DYNLT5: variants seen among roughly 807,000 people sequenced by gnomAD.
DYNLT5 encodes the protein dynein light chain Tctex-type family member 5.
A neutral mutation model predicts 19.3 loss-of-function variants in DYNLT5; 25 were observed. That is an observed-to-expected ratio of 1.30 (90% CI 0.95 to 1.81). DYNLT5 has a LOEUF of 1.81. DYNLT5 is among the 40% of genes most tolerant of loss of function. The pLI is 0.00. For synonymous variants in DYNLT5, 82 were observed against 68.9 expected (o/e 1.19, Z -0.94); for missense variants, 232 against 217.9 (o/e 1.06, Z -0.41).
In DYNLT5 at chr1:66,777,598, T is replaced by C; in HGVS notation, c.*144T>C. On this transcript the variant is annotated 3_prime_UTR_variant, in exon 5 of 5. Transcript: ENST00000282670. ...CTGGAAGCTTTTGAATTTTTTCATA[T>C]TCTAGTAAAGATTTGGGGAGGGGAG... 2 of 658,124 alleles carry C rather than the reference T, an allele frequency of 3.0e-6. No individual in the cohort carries two copies. The highest frequency in any genetic ancestry group is 4.9e-6 in the Non-Finnish European group (2 of 411,974). 40.8% of individuals were successfully genotyped at this position (658,124 alleles called of 1,614,324 possible).
At chr1:66,777,197 C>A in intron 4 of DYNLT5, 54 bp from the exon 5 acceptor site, 1 of 1,446,156 alleles carries the variant, frequency 6.9e-7, no homozygotes, top group South Asian at 1.2e-5. Flanking sequence ...AAGGTTAATG[C>A]TTTTGAGTTT....
chr1:66,767,513 C>G (rs944533826), intron 2 of DYNLT5, among the ~76,000 whole-genome samples: 6 of 152,178 alleles, frequency 3.9e-5, no homozygotes, highest in African/African-American at 1.4e-4. Flanking sequence ...CCACTTCGGC[C>G]TCCCAAAGTG....
rs1398520001 is a variant in DYNLT5, at chr1:66,778,494, ATGT to A, written c.*1044_*1046del. On this transcript the variant is annotated 3_prime_UTR_variant, in exon 5 of 5. Coordinates refer to ENST00000282670, the MANE Select transcript of DYNLT5 (RefSeq NM_152665.3). ...CAAGTCTTTGTGTGCAAGTAAAATG[ATGT>A]TGTGGCGTTGTTCTTGGATGGTAAG... 6.6e-6 allele frequency: 1 copy of A among 152,652 alleles called. No homozygotes were observed. Among genetic ancestry groups the A allele is most frequent in the Non-Finnish European group, 1.5e-5 (1 of 68,040 alleles). 9.5% of individuals were successfully genotyped at this position (152,652 alleles called of 1,614,324 possible).
chr1:66,777,268 C>G lies in DYNLT5; in HGVS notation c.354C>G (p.Val118=). The change falls in exon 5 of 5, where the codon GTC becomes GTG. Residue 118 remains valine, a synonymous_variant. Coordinates refer to ENST00000282670, the MANE Select transcript of DYNLT5 (RefSeq NM_152665.3). Reference sequence around the variant, plus strand: ...ATTTCTAGGTTATTAAAGCCCAGGTCAAGGACTTGATGATTCCACGGTATA... The same window carrying G: ...ATTTCTAGGTTATTAAAGCCCAGGTGAAGGACTTGATGATTCCACGGTATA... The part of the protein sequence containing the change: ...KTISEVIKAQ[V]KDLMIPRYKL... 6.2e-7 allele frequency: 1 copy of G among 1,611,228 alleles called. No individual in the cohort carries two copies.
chr1:66,770,492 T>C lies in DYNLT5; in HGVS notation c.211+14T>C, dbSNP rs1475935831. 4 of 1,579,396 alleles carry C rather than the reference T, an allele frequency of 2.5e-6. No individual in the cohort carries two copies. Among genetic ancestry groups the C allele is most frequent in the Non-Finnish European group, 3.5e-6 (4 of 1,148,726 alleles). ...CCTATCAGTTGGGTGTGTTCTTTTA[T>C]CTCTCACTCCTATTTTAAACTTCTA... On this transcript the variant is annotated intron_variant, in intron 3 of 4. Coordinates refer to ENST00000282670, the MANE Select transcript of DYNLT5 (RefSeq NM_152665.3).
Position 66,754,666 on chromosome 1 carries a change from T to G in DYNLT5, c.8T>G (p.Met3Arg), listed in dbSNP as rs1373085571. ...AGTCTTCTTCCATAGGTTATGATGATGTCAGACAATGCTAAAGGCAGAGCA... is the reference window on the plus strand; with the variant it reads ...AGTCTTCTTCCATAGGTTATGATGAGGTCAGACAATGCTAAAGGCAGAGCA... MM[M>R]SDNAKGRAAH... Residue 3 changes from methionine (M) to arginine (R), a missense_variant, in exon 2 of 5, where the codon ATG (methionine) becomes AGG (arginine). Met to Arg is a moderately conservative substitution (Grantham distance 91). Transcript: ENST00000282670. The G allele has an allele frequency of 3.7e-6, 6 of 1,608,970 alleles. No homozygotes were observed. The highest frequency in any genetic ancestry group is 5.1e-6 in the Non-Finnish European group (6 of 1,178,524).
intron 1 of DYNLT5, among the ~76,000 whole-genome samples, chr1:66,752,870 G>A (rs570734113): frequency 7.9e-5 from 12 of 152,318 alleles, no homozygotes; most frequent in African/African-American, 2.9e-4. Flanking sequence ...CGGTCTTCCT[G>A]TGGCTGGCCG....
At position 66,776,402 on chromosome 1, in the gene DYNLT5, A is replaced by C; in HGVS notation, c.335A>C (p.Glu112Ala). 1 of 1,600,922 alleles carries C rather than the reference A, an allele frequency of 6.2e-7. No homozygotes were observed. Among genetic ancestry groups the C allele is most frequent in the Non-Finnish European group, 8.5e-7 (1 of 1,172,248 alleles). Residue 112 changes from glutamate (E) to alanine (A), a missense_variant and splice_region_variant, in exon 4 of 5, where the codon GAG (glutamate) becomes GCG (alanine). By Grantham distance (107) the Glu-to-Ala change is moderately radical (BLOSUM62 -1). Transcript: ENST00000282670. The stretch of plus-strand genomic sequence containing the variant: ...AGACAGATGACTAAAACCATTTCTG[A>C]GGTACGTGTGTGATTTGCCCAAAGT... The part of the protein sequence containing the change: ...LCRQMTKTIS[E>A]VIKAQVKDLM...
At chr1:66,764,633 G>A (rs532484703) in intron 2 of DYNLT5, among the ~76,000 whole-genome samples, 1 of 152,264 alleles carries the variant, frequency 6.6e-6, no homozygotes, top group South Asian at 2.1e-4. Context: ...AAAATATTGT[G>A]AGCATTAACA....
intron 2 of DYNLT5, among the ~76,000 whole-genome samples, chr1:66,758,840 T>C (rs1028474652): frequency 3.9e-5 from 6 of 152,156 alleles, no homozygotes; most frequent in Non-Finnish European, 7.3e-5. Flanking sequence ...CAATCTATAC[T>C]ACTGTGAGCT....
intron 2 of DYNLT5, among the ~76,000 whole-genome samples, chr1:66,759,188 G>A (rs2094641520): frequency 6.6e-6 from 1 of 152,202 alleles, no homozygotes; most frequent in Non-Finnish European, 1.5e-5. Flanking sequence ...ATGGGGAAAT[G>A]ATAGATTGTG....
intron 2 of DYNLT5, among the ~76,000 whole-genome samples, chr1:66,761,928 T>A (rs1471033072): frequency 6.6e-6 from 1 of 152,234 alleles, no homozygotes; most frequent in Non-Finnish European, 1.5e-5. Context: ...TCAAAATTAG[T>A]CCATTCATCT....
intron 1 of DYNLT5, among the ~76,000 whole-genome samples, 194 bp downstream of exon 1, chr1:66,752,778 C>T (rs2094628412): frequency 6.6e-6 from 1 of 152,232 alleles, no homozygotes. Flanking sequence ...TCGTCCCCTG[C>T]CCCATTGCAT....
At chr1:66,754,627 T>G (rs751317732) in intron 1 of DYNLT5, 29 bp from the exon 2 acceptor site, 2 of 1,574,030 alleles carry the variant, frequency 1.3e-6, no homozygotes, top group East Asian at 4.6e-5. Flanking sequence ...ATCTTTCTTT[T>G]GCTATTTTAC....
rs190684081 is a variant in DYNLT5 at position 66,768,036 on chromosome 1, A to G, written c.120-2351A>G. Reference sequence around the variant, plus strand: ...GAAGAAGGAAAGAACAACTTTAGAAAGTAAATAAGAGTCCCTGACACGATG... The same window carrying G: ...GAAGAAGGAAAGAACAACTTTAGAAGGTAAATAAGAGTCCCTGACACGATG... On this transcript the variant is annotated intron_variant, in intron 2 of 4. Coordinates refer to ENST00000282670, the MANE Select transcript of DYNLT5 (RefSeq NM_152665.3). Among the ~76,000 whole-genome samples the G allele has an allele frequency of 2.0e-5, 3 of 152,356 alleles. No homozygotes were observed. In the East Asian group the frequency reaches 5.8e-4, roughly 29 times the overall value.
chr1:66,755,759 A>T (rs964794732), intron 2 of DYNLT5: 1 of 152,226 alleles, frequency 6.6e-6, no homozygotes, highest in African/African-American at 2.4e-5. Context: ...ATCCCAGCAC[A>T]TGTCAGAAGT....
At chr1:66,772,205 C>T (rs943784297) in intron 3 of DYNLT5, among the ~76,000 whole-genome samples, 3 of 152,158 alleles carry the variant, frequency 2.0e-5, no homozygotes, top group Non-Finnish European at 4.4e-5. Context: ...TTATTTGGCT[C>T]ATGGTTCTAG....
chr1:66,777,561 T>C lies in DYNLT5; in HGVS notation c.*107T>C. 1 of 935,454 alleles carries C rather than the reference T, an allele frequency of 1.1e-6. No individual in the cohort carries two copies. The highest frequency in any genetic ancestry group is 1.6e-6 in the Non-Finnish European group (1 of 644,652). The allele number at this position is 935,454 out of a possible 1,614,324, so 57.9% of individuals were successfully genotyped here. On this transcript the variant is annotated 3_prime_UTR_variant, in exon 5 of 5. Coordinates refer to ENST00000282670, the MANE Select transcript of DYNLT5 (RefSeq NM_152665.3). The stretch of plus-strand genomic sequence containing the variant: ...AACTTTGAGAAAGAAACAACACTGA[T>C]ATTTCAAGCAACTGGAAGCTTTTGA...
At chr1:66,776,568 T>A (rs1645237134) in intron 4 of DYNLT5, among the ~76,000 whole-genome samples, 165 bp downstream of exon 4, 10 of 151,218 alleles carry the variant, frequency 6.6e-5, no homozygotes, top group South Asian at 4.1e-4. Context: ...TGGGTGTGTG[T>A]GTGTGTGTGT....
Sources: gnomAD v4.1 joint callset for allele counts (sites outside exome capture counted in the v4.1 genomes callset) on GRCh38, gnomAD v4.1.1 for gene constraint, MANE v1.5 for transcripts, NCBI Gene and HGNC (gene_info 2026-07-23, HGNC 2026-07-21) for gene names.